Variants in PTPRT observed in about 807,000 individuals in gnomAD.
The protein encoded by PTPRT is receptor-type tyrosine-protein phosphatase T.
Under a neutral mutation model 176.8 loss-of-function variants are expected in PTPRT, and 56 were observed. That is an observed-to-expected ratio of 0.32 (90% CI 0.26 to 0.40). PTPRT has a LOEUF of 0.40. Among genes scored for constraint, PTPRT ranks in the 10% least tolerant of loss-of-function variants. The pLI is 1.00. For missense variants in PTPRT, 1,540 were observed against 1,908.2 expected (o/e 0.81, Z 3.60); for synonymous variants, 783 against 739.0 (o/e 1.06, Z -0.96).
At chr20:42,393,023 G>T (rs1196225135) in intron 9 of PTPRT, among the ~76,000 whole-genome samples, 2 of 152,054 alleles carry the variant, frequency 1.3e-5, no homozygotes, top group Non-Finnish European at 1.5e-5. Context: ...GAAAAAGTGG[G>T]GATTGTCTAA....
the PTPRT span, among the ~76,000 whole-genome samples, chr20:42,032,532 C>G: frequency 2.0e-5 from 3 of 152,118 alleles, no homozygotes; most frequent in African/African-American, 7.2e-5. Flanking sequence ...TCATGAGATT[C>G]CTTATTGATC....
chr20:43,090,513 C>T (rs1409605634), intron 1 of PTPRT, among the ~76,000 whole-genome samples: 1 of 152,142 alleles, frequency 6.6e-6, no homozygotes, highest in East Asian at 1.9e-4. Context: ...CGTGATCCAC[C>T]CGCCTTGGCC....
At chr20:42,838,676 C>A (rs1176916790) in intron 2 of PTPRT, among the ~76,000 whole-genome samples, 1 of 152,186 alleles carries the variant, frequency 6.6e-6, no homozygotes. Flanking sequence ...AAATCACATC[C>A]CTTCCCTGAT....
At chr20:42,779,546 T>C (rs1364840578) in intron 4 of PTPRT, among the ~76,000 whole-genome samples, 1 of 152,198 alleles carries the variant, frequency 6.6e-6, no homozygotes, top group Non-Finnish European at 1.5e-5. Flanking sequence ...TCATCTCAAC[T>C]ACCTGTACCC....
At chr20:42,367,745 C>A (rs1260174782) in intron 9 of PTPRT, among the ~76,000 whole-genome samples, 5 of 151,914 alleles carry the variant, frequency 3.3e-5, no homozygotes, top group Non-Finnish European at 5.9e-5. Context: ...AAGTGGATAC[C>A]CAAGAGAAGA....
At chr20:42,406,358 T>C (rs1378317306) in intron 9 of PTPRT, among the ~76,000 whole-genome samples, 1 of 151,814 alleles carries the variant, frequency 6.6e-6, no homozygotes, top group African/African-American at 2.4e-5. Flanking sequence ...TAACCATAAA[T>C]AGACAAGATA....
intron 1 of PTPRT, among the ~76,000 whole-genome samples, chr20:43,117,808 A>G (rs1225195822): frequency 1.3e-5 from 2 of 152,202 alleles, no homozygotes; most frequent in Non-Finnish European, 2.9e-5. Flanking sequence ...ATAGATAGGA[A>G]GCAATTCGCT....
At chr20:42,404,201 G>T (rs1347547216) in intron 9 of PTPRT, among the ~76,000 whole-genome samples, 1 of 152,150 alleles carries the variant, frequency 6.6e-6, no homozygotes, top group African/African-American at 2.4e-5. Flanking sequence ...CAATGAAAAA[G>T]AGGTGGAAGT....
At chr20:42,095,837 C>G (rs1193676587) in intron 27 of PTPRT, among the ~76,000 whole-genome samples, 3 of 152,176 alleles carry the variant, frequency 2.0e-5, no homozygotes, top group African/African-American at 4.8e-5. Flanking sequence ...AGATGCCCAA[C>G]AAATATGGGT....
At chr20:42,710,929 T>C (rs971531217) in intron 6 of PTPRT, among the ~76,000 whole-genome samples, 5 of 152,222 alleles carry the variant, frequency 3.3e-5, no homozygotes, top group African/African-American at 7.2e-5. Flanking sequence ...ATATGGGACA[T>C]AGAGTCAAAG....
intron 1 of PTPRT, among the ~76,000 whole-genome samples, chr20:42,908,783 T>C (rs1240440535): frequency 1.3e-5 from 2 of 152,182 alleles, no homozygotes; most frequent in Non-Finnish European, 2.9e-5. Flanking sequence ...AGTAATCAAA[T>C]AGTCTTTGAA....
rs193177169 is a variant in PTPRT at position 42,290,750 on chromosome 20, A to C, written c.2140-8225T>G. ...ATAGCCTCCATTTTAACACTAGGTC[A>C]AGTCTGACTCATCTAACCATCCATC... On this transcript the variant is annotated intron_variant, in intron 12 of 30. Coordinates refer to ENST00000373187, the MANE Select transcript of PTPRT (RefSeq NM_007050.6). Among the ~76,000 whole-genome samples, 3 of 152,144 alleles carry C rather than the reference A, an allele frequency of 2.0e-5. No individual in the cohort carries two copies. The East Asian group carries it at 5.8e-4, about 29-fold the overall frequency.
chr20:42,600,643 C>G (rs1425654983), intron 7 of PTPRT, among the ~76,000 whole-genome samples: 1 of 152,090 alleles, frequency 6.6e-6, no homozygotes, highest in Non-Finnish European at 1.5e-5. Flanking sequence ...TTTCCAATGT[C>G]TCTTATTCCA....
At chr20:42,147,932 G>C (rs1414649028) in intron 17 of PTPRT, among the ~76,000 whole-genome samples, 1 of 152,082 alleles carries the variant, frequency 6.6e-6, no homozygotes, top group Admixed American at 6.5e-5. Flanking sequence ...AATCTAATAA[G>C]GGATAATCTC....
chr20:42,151,427 T>TGAGA (rs1294387591), intron 17 of PTPRT, among the ~76,000 whole-genome samples: 7 of 152,210 alleles, frequency 4.6e-5, no homozygotes, highest in Admixed American at 2.6e-4. Context: ...GTTAGTTTGC[T>TGAGA]GAGAATGATG....
chr20:42,513,151 T>C (rs113027565), intron 7 of PTPRT, among the ~76,000 whole-genome samples: 10 of 151,790 alleles, frequency 6.6e-5, no homozygotes, highest in African/African-American at 2.2e-4. Context: ...TGAGCTACCA[T>C]ACCCGACCTA....
At chr20:43,024,356 C>T (rs567234925) in intron 1 of PTPRT, among the ~76,000 whole-genome samples, 2 of 152,024 alleles carry the variant, frequency 1.3e-5, no homozygotes, top group Admixed American at 6.5e-5. Context: ...AAAATGGCTC[C>T]AAGGCTGGTA....
chr20:42,212,775 G>T (rs995419684), intron 15 of PTPRT, among the ~76,000 whole-genome samples: 2 of 152,136 alleles, frequency 1.3e-5, no homozygotes, highest in African/African-American at 4.8e-5. Flanking sequence ...TCTCTGGTAT[G>T]ATCATATTTT....
intron 7 of PTPRT, among the ~76,000 whole-genome samples, chr20:42,511,813 G>C (rs6030296): frequency 6.6e-6 from 1 of 151,558 alleles, no homozygotes; most frequent in African/African-American, 2.4e-5. Flanking sequence ...TTGCAGACTC[G>C]CCTCCTGCTT....
Sources: allele counts gnomAD v4.1 joint callset (sites outside exome capture counted in the v4.1 genomes callset), GRCh38; gene constraint gnomAD v4.1.1; transcripts MANE v1.5; gene names NCBI Gene and HGNC (gene_info 2026-07-23, HGNC 2026-07-21).